MYOZ1: variants seen among roughly 807,000 people sequenced by gnomAD.
The protein encoded by MYOZ1 is myozenin 1.
A neutral mutation model predicts 28.7 loss-of-function variants in MYOZ1; 20 were observed. The observed-to-expected ratio is 0.70, with a 90% CI of 0.49 to 1.01. The LOEUF is 1.01. Ranked by LOEUF, MYOZ1 falls within the 50% of genes least tolerant of loss-of-function variation. The pLI, the probability that MYOZ1 is intolerant of heterozygous loss-of-function variation, is 0.00. For missense variants in MYOZ1, 371 were observed against 372.4 expected, an observed-to-expected ratio of 1.00 and a Z score of 0.03; for synonymous variants, 144 against 145.8, an observed-to-expected ratio of 0.99 and a Z score of 0.09.
In MYOZ1 at chr10:73,637,832, C is replaced by G; in HGVS notation, c.164G>C (p.Arg55Pro). 1 of 1,614,056 alleles carries G rather than the reference C, an allele frequency of 6.2e-7. No individual in the cohort carries two copies. The highest frequency in any genetic ancestry group is 8.5e-7 in the Non-Finnish European group (1 of 1,180,006). ...CCGCAGTTTGAACATCTTGGAGCCC[C>G]GGTTGGTAAGCAGCGACAGTTCCTC... ...MLEELSLLTN[R>P]GSKMFKLRQM... The change falls in exon 3 of 6, where the codon CGG becomes CCG. Residue 55 changes from arginine (R) to proline (P), a missense_variant. Physicochemically the swap from Arg to Pro is moderately radical, Grantham distance 103. Transcript: ENST00000359322.
At position 73,634,051 on chromosome 10, in the gene MYOZ1, C is replaced by A; in HGVS notation, c.517G>T (p.Gly173Ter). Residue 173 changes from glycine to a stop codon, truncating the protein, a stop_gained, in exon 5 of 6, where the codon GGA becomes TGA. Coordinates refer to ENST00000359322, the MANE Select transcript of MYOZ1 (RefSeq NM_021245.4). LOFTEE classifies it high-confidence loss of function. Reference sequence around the variant, plus strand: ...AACACAGTGATATGTTTTCCTTCTCCGCCTGCCTGGTCTCCTGGTAGCCAT... The same window carrying A: ...AACACAGTGATATGTTTTCCTTCTCAGCCTGCCTGGTCTCCTGGTAGCCAT... ...GETGSGDQAG[G>*]EGKHITVFKT... 6.2e-7 allele frequency: 1 copy of A among 1,613,832 alleles called. No homozygotes were observed. The highest frequency in any genetic ancestry group is 8.5e-7 in the Non-Finnish European group (1 of 1,179,946).
At chr10:73,638,965 C>CTTTT (rs71482555) in intron 2 of MYOZ1, among the ~76,000 whole-genome samples, 1 of 99,382 alleles carries the variant, frequency 1.0e-5, no homozygotes, top group African/African-American at 3.9e-5. Flanking sequence ...CACGCCTGGA[C>CTTTT]TTTTTTTTTT....
intron 2 of MYOZ1, among the ~76,000 whole-genome samples, chr10:73,638,638 TTTTATTTA>T (rs71482554): frequency 0.019 from 2,372 of 124,116 alleles, 25 homozygotes; most frequent in Non-Finnish European, 0.028. Context: ...CCAGCCTACA[TTTTATTTA>T]TTTATTTATT....
In MYOZ1 at chr10:73,631,812, C is replaced by T. The variant is rs923473332; in HGVS notation, c.*118G>A. The T allele has an allele frequency of 1.4e-5, 12 of 887,760 alleles. No individual in the cohort carries two copies. The highest frequency in any genetic ancestry group is 3.4e-4 in the Middle Eastern group (1 of 2,940). 55.0% of individuals were successfully genotyped at this position (887,760 alleles called of 1,614,324 possible). Reference sequence around the variant, plus strand: ...TAAAGGATGGAAAGGTAGATCTCTCCTTTTTCCCTCCATTCCCATAAGGAT... The same window carrying T: ...TAAAGGATGGAAAGGTAGATCTCTCTTTTTTCCCTCCATTCCCATAAGGAT... On this transcript the variant is annotated 3_prime_UTR_variant, in exon 6 of 6. Coordinates refer to ENST00000359322, the MANE Select transcript of MYOZ1 (RefSeq NM_021245.4).
chr10:73,640,554 G>T (rs1305741094), intron 1 of MYOZ1, among the ~76,000 whole-genome samples: 1 of 152,194 alleles, frequency 6.6e-6, no homozygotes, highest in Non-Finnish European at 1.5e-5. Flanking sequence ...AGCCCCTGTT[G>T]TCTACCAACC....
At chr10:73,635,646 A>G (rs1408789515) in intron 3 of MYOZ1, among the ~76,000 whole-genome samples, 1 of 152,104 alleles carries the variant, frequency 6.6e-6, no homozygotes, top group African/African-American at 2.4e-5. Context: ...AGCCTCCCAA[A>G]GTGCTGAGAT....
intron 2 of MYOZ1, 23 bp from the exon 3 acceptor site, chr10:73,637,945 G>C (rs752965661): frequency 1.3e-6 from 2 of 1,595,888 alleles, no homozygotes; most frequent in East Asian, 4.5e-5. Context: ...CAAAGAAGAA[G>C]AATCAAGGGA....
chr10:73,633,153 T>G (rs892330525), intron 5 of MYOZ1, among the ~76,000 whole-genome samples: 4 of 151,854 alleles, frequency 2.6e-5, no homozygotes, highest in African/African-American at 9.7e-5. Context: ...AAAAATTAGC[T>G]GGGCGTGGTG....
chr10:73,632,015 G>T lies in MYOZ1; in HGVS notation c.815C>A (p.Pro272His), dbSNP rs1182219859. ...LSNRPSFNRT[P>H]IPWLSSGEPV... ...CTCCCCAGAGCTCAGCCAGGGAATAGGGGTTCGATTGAAAGAAGGCCTGTT... is the reference window on the plus strand; with the variant it reads ...CTCCCCAGAGCTCAGCCAGGGAATATGGGTTCGATTGAAAGAAGGCCTGTT... The change falls in exon 6 of 6, where the codon CCT becomes CAT. Residue 272 changes from proline (P) to histidine (H), a missense_variant. By Grantham distance (77) the Pro-to-His change is moderately conservative. Coordinates refer to ENST00000359322, the MANE Select transcript of MYOZ1 (RefSeq NM_021245.4). 1 of 1,614,114 alleles carries T rather than the reference G, an allele frequency of 6.2e-7. No individual in the cohort carries two copies. The highest frequency in any genetic ancestry group is 1.1e-5 in the South Asian group (1 of 91,074).
At chr10:73,640,234 A>G (rs1486293930) in intron 1 of MYOZ1, among the ~76,000 whole-genome samples, 199 bp from the exon 2 acceptor site, 2 of 152,128 alleles carry the variant, frequency 1.3e-5, no homozygotes, top group African/African-American at 4.8e-5. Flanking sequence ...CTGCAGCCTC[A>G]ACCTCCCTGG....
chr10:73,634,699 C>T lies in MYOZ1; in HGVS notation c.287G>A (p.Gly96Glu). 3.1e-6 allele frequency: 5 copies of T among 1,613,942 alleles called. No individual in the cohort carries two copies. Among genetic ancestry groups the T allele is most frequent in the Non-Finnish European group, 4.2e-6 (5 of 1,179,880 alleles). Reference protein sequence around the residue: ...HFQKFLPTVGGQLGTAGQGFS... With the variant: ...HFQKFLPTVGEQLGTAGQGFS... ...TCCCTGACCAGCTGTGCCCAGCTGT[C>T]CCCCCACTGTTGGAAGGAACTTCTG... The change falls in exon 4 of 6, where the codon GGA becomes GAA. Residue 96 changes from glycine to glutamate, a missense_variant. Gly to Glu is a moderately conservative substitution (Grantham distance 98). Coordinates refer to ENST00000359322, the MANE Select transcript of MYOZ1 (RefSeq NM_021245.4).
chr10:73,633,227 G>A (rs2081646500), intron 5 of MYOZ1, among the ~76,000 whole-genome samples: 2 of 152,098 alleles, frequency 1.3e-5, no homozygotes, highest in African/African-American at 4.8e-5. Context: ...AACCCAGGAG[G>A]CGGAGGTTGC....
chr10:73,637,014 CTT>C (rs1229338667), intron 3 of MYOZ1, among the ~76,000 whole-genome samples: 11 of 132,606 alleles, frequency 8.3e-5, no homozygotes, highest in Non-Finnish European at 1.5e-4. Context: ...TTTTTTCTTT[CTT>C]TTTTTTTTTT....
At chr10:73,639,825 C>A (rs530064568) in intron 2 of MYOZ1, 120 bp downstream of exon 2, 4 of 968,638 alleles carry the variant, frequency 4.1e-6, no homozygotes, top group Non-Finnish European at 6.3e-6. Context: ...CTCCCCATCA[C>A]CCGCCTTCCC....
intron 3 of MYOZ1, 111 bp downstream of exon 3, chr10:73,637,633 T>C: frequency 9.0e-7 from 1 of 1,116,036 alleles, no homozygotes; most frequent in Non-Finnish European, 1.3e-6. Flanking sequence ...TTAACAAATT[T>C]ATAAATTTTC....
At chr10:73,638,017 G>T in intron 2 of MYOZ1, 95 bp from the exon 3 acceptor site, 1 of 1,156,560 alleles carries the variant, frequency 8.6e-7, no homozygotes, top group Non-Finnish European at 1.2e-6. Context: ...AAGTGTGTAT[G>T]TGTGTCCTGG....
In MYOZ1 at chr10:73,634,644, G is replaced by C. The variant is rs751483817; in HGVS notation, c.342C>G (p.Gly114=). 6.2e-7 allele frequency: 1 copy of C among 1,614,198 alleles called. No individual in the cohort carries two copies. The highest frequency in any genetic ancestry group is 1.3e-5 in the African/African-American group (1 of 75,052). The change falls in exon 4 of 6, where the codon GGC becomes GGG. Residue 114 remains glycine (G), a synonymous_variant. Coordinates refer to ENST00000359322, the MANE Select transcript of MYOZ1 (RefSeq NM_021245.4). Reference sequence around the variant, plus strand: ...AGCCACTGCCCCCTGCCTGGCTGCCGCCTCTGCCGTTGCTCTTGCTGTATG... The same window carrying C: ...AGCCACTGCCCCCTGCCTGGCTGCCCCCTCTGCCGTTGCTCTTGCTGTATG... The part of the protein sequence containing the change: ...GFSYSKSNGR[G]GSQAGGSGSA...
In MYOZ1 at chr10:73,634,723, T is replaced by C. The variant is rs1474960194; in HGVS notation, c.263A>G (p.Gln88Arg). ...VFSDSSMDHF[Q>R]KFLPTVGGQL... ...TCCCCCCACTGTTGGAAGGAACTTC[T>C]GGAAGTGATCCTGAAAAGAAGACAA... The change falls in exon 4 of 6, where the codon CAG (glutamine) becomes CGG (arginine). Residue 88 changes from glutamine to arginine, a missense_variant. Gln to Arg is a conservative substitution (Grantham distance 43). Coordinates refer to ENST00000359322, the MANE Select transcript of MYOZ1 (RefSeq NM_021245.4). 19 of 1,612,002 alleles carry C rather than the reference T, an allele frequency of 1.2e-5. No individual in the cohort carries two copies. The highest frequency in any genetic ancestry group is 3.3e-4 in the Middle Eastern group (2 of 6,076).
chr10:73,634,776 G>C, intron 3 of MYOZ1, 43 bp from the exon 4 acceptor site: 1 of 1,592,108 alleles, frequency 6.3e-7, no homozygotes, highest in Non-Finnish European at 8.6e-7. Flanking sequence ...CAATGGGTAT[G>C]GAAAATATAC....
Sources: allele counts gnomAD v4.1 joint callset (sites outside exome capture counted in the v4.1 genomes callset), GRCh38; gene constraint gnomAD v4.1.1; transcripts MANE v1.5; gene names NCBI Gene and HGNC (gene_info 2026-07-23, HGNC 2026-07-21).